Variants in MTSS1 observed in about 807,000 individuals in gnomAD.
The protein encoded by MTSS1 is MTSS I-BAR domain containing 1.
In MTSS1, 18 loss-of-function variants were observed where a neutral mutation model predicts 79.0. The observed-to-expected ratio is 0.23, with a 90% CI of 0.16 to 0.34. The LOEUF is 0.34. Ranked by LOEUF, MTSS1 falls within the 10% of genes least tolerant of loss-of-function variation. MTSS1 has a pLI of 1.00. For synonymous variants in MTSS1, 341 were observed against 368.6 expected, an observed-to-expected ratio of 0.93 and a Z score of 0.86; for missense variants, 815 against 986.2, an observed-to-expected ratio of 0.83 and a Z score of 2.33.
intron 3 of MTSS1, among the ~76,000 whole-genome samples, chr8:124,653,298 G>C (rs980151443): frequency 1.3e-5 from 2 of 152,260 alleles, no homozygotes; most frequent in African/African-American, 4.8e-5. Context: ...CCTAAATGCA[G>C]TGTGTGGTTT....
intron 3 of MTSS1, among the ~76,000 whole-genome samples, chr8:124,643,136 A>C (rs961494725): frequency 2.6e-5 from 4 of 152,224 alleles, no homozygotes; most frequent in African/African-American, 9.6e-5. Flanking sequence ...TAGTGTTAAT[A>C]AGACTTCCAA....
At chr8:124,557,566 A>T in intron 11 of MTSS1, 115 bp downstream of exon 11, 1 of 1,100,712 alleles carries the variant, frequency 9.1e-7, no homozygotes, top group Non-Finnish European at 1.3e-6. Context: ...ATGGGGAAGA[A>T]GGCAGAGTGT....
intron 3 of MTSS1, among the ~76,000 whole-genome samples, chr8:124,676,731 A>G (rs941067778): frequency 2.0e-5 from 3 of 152,128 alleles, no homozygotes; most frequent in Non-Finnish European, 4.4e-5. Flanking sequence ...TTTTTAATCC[A>G]AGGTTTGGGG....
chr8:124,607,423 T>C (rs1257066079), intron 3 of MTSS1, among the ~76,000 whole-genome samples: 2 of 152,206 alleles, frequency 1.3e-5, no homozygotes, highest in African/African-American at 4.8e-5. Flanking sequence ...AGTCATACCT[T>C]CCCCAGATGG....
intron 3 of MTSS1, among the ~76,000 whole-genome samples, chr8:124,696,003 T>C (rs1170328827): frequency 6.6e-6 from 1 of 152,108 alleles, no homozygotes; most frequent in African/African-American, 2.4e-5. Flanking sequence ...AATTTTTTTT[T>C]TGGACACAGA....
At chr8:124,600,065 AC>A (rs1338400761) in intron 3 of MTSS1, among the ~76,000 whole-genome samples, 15 of 148,826 alleles carry the variant, frequency 1.0e-4, no homozygotes, top group African/African-American at 3.7e-4. Flanking sequence ...CAAAAAAAAA[AC>A]CAAATATGCT....
chr8:124,556,462 G>A (rs534193043), intron 11 of MTSS1, 57 bp from the exon 12 acceptor site: 215 of 1,536,720 alleles, frequency 1.4e-4, no homozygotes, highest in African/African-American at 3.3e-4. Context: ...GGAGGGCTGC[G>A]GGGACCCCAT....
chr8:124,648,446 G>A (rs929877796), intron 3 of MTSS1, among the ~76,000 whole-genome samples: 1 of 151,998 alleles, frequency 6.6e-6, no homozygotes, highest in Non-Finnish European at 1.5e-5. Context: ...AATGAATTTC[G>A]TCTCACTGGA....
rs111978828 is a variant in MTSS1 at position 124,621,570 on chromosome 8, C to T, written c.209-30335G>A. 4.4e-3 allele frequency among the ~76,000 whole-genome samples: 664 copies of T among 152,150 alleles called. 2 individuals are homozygous for T. Among genetic ancestry groups the T allele is most frequent in the African/African-American group, 0.015 (631 of 41,514 alleles). On this transcript the variant is annotated intron_variant, in intron 3 of 13. Coordinates refer to ENST00000518547, the MANE Select transcript of MTSS1 (RefSeq NM_014751.6). Reference sequence around the variant, plus strand: ...GTTTGTGTGTTTTTTTTTGAGACGGCGTCTCGCCCTGTCGCCCAGGCTACA... The same window carrying T: ...GTTTGTGTGTTTTTTTTTGAGACGGTGTCTCGCCCTGTCGCCCAGGCTACA...
At chr8:124,592,719 C>T (rs1832069201) in intron 3 of MTSS1, among the ~76,000 whole-genome samples, 1 of 151,798 alleles carries the variant, frequency 6.6e-6, no homozygotes, top group Non-Finnish European at 1.5e-5. Flanking sequence ...AGGGCAAGGC[C>T]TCTATTCCTC....
intron 10 of MTSS1, chr8:124,558,903 T>G: frequency 6.9e-7 from 1 of 1,449,886 alleles, no homozygotes. Context: ...ATATAATAAA[T>G]AAAAAAAGGA....
intron 3 of MTSS1, among the ~76,000 whole-genome samples, chr8:124,688,004 C>T (rs951363097): frequency 1.3e-5 from 2 of 152,136 alleles, no homozygotes; most frequent in Non-Finnish European, 2.9e-5. Context: ...ACCACCCGGG[C>T]GGCTGGATAT....
intron 3 of MTSS1, among the ~76,000 whole-genome samples, chr8:124,659,146 A>C (rs1821530144): frequency 6.7e-6 from 1 of 150,180 alleles, no homozygotes; most frequent in African/African-American, 2.5e-5. Context: ...AGAACCTGAG[A>C]TATAACCAGA....
intron 3 of MTSS1, among the ~76,000 whole-genome samples, chr8:124,686,832 C>G (rs942596500): frequency 6.6e-6 from 1 of 152,142 alleles, no homozygotes; most frequent in Non-Finnish European, 1.5e-5. Context: ...TGGGAAGAAC[C>G]TGGTACTGGA....
chr8:124,686,938 G>C (rs558964484), intron 3 of MTSS1, among the ~76,000 whole-genome samples: 1 of 152,178 alleles, frequency 6.6e-6, no homozygotes, highest in African/African-American at 2.4e-5. Context: ...ATTTTAACCA[G>C]GTGACTTCAA....
At chr8:124,699,271 A>G in intron 3 of MTSS1, 1 of 482,826 alleles carries the variant, frequency 2.1e-6, no homozygotes, top group South Asian at 2.4e-5. Context: ...GTGATCAAAG[A>G]ACCCATCAAG....
chr8:124,672,665 C>G (rs1824464014), intron 3 of MTSS1, among the ~76,000 whole-genome samples: 1 of 149,534 alleles, frequency 6.7e-6, no homozygotes, highest in African/African-American at 2.6e-5. Flanking sequence ...AAAAAAATAG[C>G]TGGGTGTGGT....
intron 1 of MTSS1, among the ~76,000 whole-genome samples, chr8:124,707,800 C>T (rs999201081): frequency 1.1e-4 from 17 of 152,242 alleles, no homozygotes; most frequent in East Asian, 9.7e-4. Context: ...CCCTTGAGCC[C>T]GGGAGATCGA....
rs1823829276 is a variant in MTSS1 at position 124,556,497 on chromosome 8, TG to T, written c.1231-93del. 2.2e-6 allele frequency: 3 copies of T among 1,383,382 alleles called. No homozygotes were observed. In the Admixed American group the frequency reaches 8.0e-5, roughly 37 times the overall value. The allele number at this position is 1,383,382 out of a possible 1,614,324, so 85.7% of individuals were successfully genotyped here. On this transcript the variant is annotated intron_variant, in intron 11 of 13. Coordinates refer to ENST00000518547, the MANE Select transcript of MTSS1 (RefSeq NM_014751.6). ...TAGACAGCTCCCCAGAGAAGGCAGCTGGTCCCCTTAAGGGGAACCTCCGGCT... is the reference window on the plus strand; with the variant it reads ...TAGACAGCTCCCCAGAGAAGGCAGCTGTCCCCTTAAGGGGAACCTCCGGCT...
Sources: allele counts gnomAD v4.1 joint callset (sites outside exome capture counted in the v4.1 genomes callset), GRCh38; gene constraint gnomAD v4.1.1; transcripts MANE v1.5; gene names NCBI Gene and HGNC (gene_info 2026-07-23, HGNC 2026-07-21).